Variants in SMG6 observed in about 807,000 individuals in gnomAD.
The protein encoded by SMG6 is telomerase-binding protein EST1A.
SMG6 carries 66 observed loss-of-function variants against 142.2 expected under a neutral mutation model. The observed-to-expected ratio is 0.46, with a 90% CI of 0.38 to 0.57. SMG6 has a LOEUF of 0.57. SMG6 is among the 20% of genes least tolerant of loss of function. SMG6 has a pLI of 0.00. For synonymous variants in SMG6, 779 were observed against 702.4 expected, an observed-to-expected ratio of 1.11 and a Z score of -1.72; for missense variants, 1,793 against 1,832.0, an observed-to-expected ratio of 0.98 and a Z score of 0.39.
At chr17:2,086,747 T>C (rs1222363721) in intron 13 of SMG6, among the ~76,000 whole-genome samples, 1 of 152,132 alleles carries the variant, frequency 6.6e-6, no homozygotes, top group African/African-American at 2.4e-5. Context: ...CTGCATGCCC[T>C]CTCCTCCACA....
At position 2,061,061 on chromosome 17, in the gene SMG6, G is replaced by A. The variant is rs528462373; in HGVS notation, c.*431C>T. Reference sequence around the variant, plus strand: ...ACACATTCACGACAGAGGTTCTGAAGATGAAAGGGAACTGTGATTTCACTG... The same window carrying A: ...ACACATTCACGACAGAGGTTCTGAAAATGAAAGGGAACTGTGATTTCACTG... On this transcript the variant is annotated 3_prime_UTR_variant, in exon 19 of 19. Coordinates refer to ENST00000263073, the MANE Select transcript of SMG6 (RefSeq NM_017575.5). 4.8e-5 allele frequency: 8 copies of A among 167,298 alleles called. No individual in the cohort carries two copies. Among genetic ancestry groups the A allele is most frequent in the Admixed American group, 4.0e-4 (7 of 17,394 alleles). 10.4% of individuals were successfully genotyped at this position (167,298 alleles called of 1,614,324 possible). A position where few individuals can be genotyped will look rare whatever the true frequency, so the allele number is the denominator to read the frequency against.
chr17:2,148,872 A>G (rs2070744826), intron 13 of SMG6, among the ~76,000 whole-genome samples: 2 of 151,570 alleles, frequency 1.3e-5, no homozygotes, highest in African/African-American at 2.4e-5. Context: ...AAAAAAAAAA[A>G]TTCAGAGAGA....
chr17:2,078,386 T>A (rs2068319042), intron 15 of SMG6, among the ~76,000 whole-genome samples: 1 of 152,086 alleles, frequency 6.6e-6, no homozygotes, highest in African/African-American at 2.4e-5. Flanking sequence ...GAATACTTTT[T>A]TTTTTTTTTT....
chr17:2,223,942 G>GA (rs762157921), intron 10 of SMG6, among the ~76,000 whole-genome samples: 4 of 152,016 alleles, frequency 2.6e-5, no homozygotes, highest in Admixed American at 1.3e-4. Context: ...GAAAAGAAAA[G>GA]AAAGAAAGTC....
At chr17:2,158,604 G>C (rs996743057) in intron 13 of SMG6, among the ~76,000 whole-genome samples, 8 of 152,178 alleles carry the variant, frequency 5.3e-5, no homozygotes, top group African/African-American at 1.9e-4. Flanking sequence ...AAAAGTGGAA[G>C]TCCCTACTGT....
intron 13 of SMG6, among the ~76,000 whole-genome samples, chr17:2,089,517 A>G (rs904733007): frequency 6.6e-6 from 1 of 152,152 alleles, no homozygotes; most frequent in Non-Finnish European, 1.5e-5. Context: ...CTTGGGAAAG[A>G]AAACTGGGGC....
At chr17:2,209,218 T>C (rs1426452236) in intron 10 of SMG6, among the ~76,000 whole-genome samples, 1 of 152,182 alleles carries the variant, frequency 6.6e-6, no homozygotes, top group Non-Finnish European at 1.5e-5. Flanking sequence ...ATTTGTTTTC[T>C]GGTTTTGTAT....
At chr17:2,192,322 G>A (rs746770131) in intron 10 of SMG6, among the ~76,000 whole-genome samples, 4 of 152,272 alleles carry the variant, frequency 2.6e-5, no homozygotes, top group Non-Finnish European at 2.9e-5. Flanking sequence ...AAATCTGGCA[G>A]CGATGGAACT....
At chr17:2,208,752 G>C (rs1567684209) in intron 10 of SMG6, among the ~76,000 whole-genome samples, 1 of 152,210 alleles carries the variant, frequency 6.6e-6, no homozygotes, top group Non-Finnish European at 1.5e-5. Flanking sequence ...CTCTTAAGAA[G>C]TTTAAAGAGG....
At chr17:2,087,711 A>G in intron 13 of SMG6, 1 of 987,324 alleles carries the variant, frequency 1.0e-6, no homozygotes, top group South Asian at 4.6e-5. Flanking sequence ...AAGGCTAGAA[A>G]TACAGAAGCA....
At chr17:2,267,685 C>A (rs1181686793) in intron 8 of SMG6, among the ~76,000 whole-genome samples, 1 of 151,730 alleles carries the variant, frequency 6.6e-6, no homozygotes, top group Non-Finnish European at 1.5e-5. Flanking sequence ...CCAGAGAGAA[C>A]CAGGCCAAAA....
At chr17:2,170,399 AAGAC>A (rs2071467379) in intron 13 of SMG6, among the ~76,000 whole-genome samples, 1 of 152,216 alleles carries the variant, frequency 6.6e-6, no homozygotes. Flanking sequence ...CCCACACTAA[AAGAC>A]AGCTTCAATA....
intron 13 of SMG6, among the ~76,000 whole-genome samples, chr17:2,147,531 G>A (rs2070705715): frequency 6.6e-6 from 1 of 152,094 alleles, no homozygotes; most frequent in African/African-American, 2.4e-5. Flanking sequence ...GAGCTCAGGA[G>A]TTCAAGTCCC....
chr17:2,297,347 C>A lies in SMG6; in HGVS notation c.2047G>T (p.Asp683Tyr). 6.2e-7 allele frequency: 1 copy of A among 1,604,012 alleles called. No individual in the cohort carries two copies. Among genetic ancestry groups the A allele is most frequent in the South Asian group, 1.1e-5 (1 of 89,164 alleles). The change falls in exon 4 of 19, where the codon GAC becomes TAC. Residue 683 changes from aspartate (D) to tyrosine (Y), a missense_variant. By Grantham distance (160) the Asp-to-Tyr change is radical (BLOSUM62 -3). Coordinates refer to ENST00000263073, the MANE Select transcript of SMG6 (RefSeq NM_017575.5). ...RLLELLDEGS[D>Y]FFDSLLQKLQ... Reference sequence around the variant, plus strand: ...TTCTGAAGCAAACTATCAAAGAAGTCACTACCCTATAAAAAGAAAAAAAGA... The same window carrying A: ...TTCTGAAGCAAACTATCAAAGAAGTAACTACCCTATAAAAAGAAAAAAAGA...
intron 13 of SMG6, among the ~76,000 whole-genome samples, chr17:2,097,465 T>C (rs1053526230): frequency 6.6e-5 from 10 of 152,172 alleles, no homozygotes; most frequent in African/African-American, 2.4e-4. Context: ...ACTAACAGAC[T>C]TTTTTCCTGA....
At chr17:2,274,266 A>T (rs2074601365) in intron 8 of SMG6, among the ~76,000 whole-genome samples, 1 of 152,242 alleles carries the variant, frequency 6.6e-6, no homozygotes, top group Non-Finnish European at 1.5e-5. Context: ...ACAATCAGAG[A>T]AAGTAACAAT....
chr17:2,200,975 A>G (rs2072503757), intron 10 of SMG6, among the ~76,000 whole-genome samples: 1 of 152,196 alleles, frequency 6.6e-6, no homozygotes, highest in African/African-American at 2.4e-5. Context: ...TACTCTGATA[A>G]ATAGCCCCTT....
intron 10 of SMG6, among the ~76,000 whole-genome samples, chr17:2,231,554 A>G (rs889819249): frequency 1.7e-4 from 26 of 152,016 alleles, no homozygotes; most frequent in Admixed American, 7.9e-4. Context: ...AAACTTAGCC[A>G]GGCGTGGTGG....
intron 10 of SMG6, among the ~76,000 whole-genome samples, chr17:2,206,321 A>G (rs2151735163): frequency 6.6e-6 from 1 of 152,128 alleles, no homozygotes; most frequent in African/African-American, 2.4e-5. Context: ...GCAGTGGCTC[A>G]TGCCTATTAA....
Sources: gnomAD v4.1 joint callset for allele counts (sites outside exome capture counted in the v4.1 genomes callset) on GRCh38, gnomAD v4.1.1 for gene constraint, MANE v1.5 for transcripts, NCBI Gene and HGNC (gene_info 2026-07-23, HGNC 2026-07-21) for gene names.